Variants in ARHGAP42 observed in about 807,000 individuals in gnomAD.
The protein encoded by ARHGAP42 is Rho GTPase activating protein 42, also known as rho GTPase-activating protein 42.
A neutral mutation model predicts 125.0 loss-of-function variants in ARHGAP42; 63 were observed. That is an observed-to-expected ratio of 0.50 (90% CI 0.41 to 0.62). The LOEUF (loss-of-function observed/expected upper bound fraction) is 0.62, where lower values mean the gene tolerates loss of function less well. Among genes scored for constraint, ARHGAP42 ranks in the 20% least tolerant of loss-of-function variants. The pLI is 0.00. For synonymous variants in ARHGAP42, 339 were observed against 351.0 expected, an observed-to-expected ratio of 0.97 and a Z score of 0.38; for missense variants, 766 against 1,024.2, an observed-to-expected ratio of 0.75 and a Z score of 3.44.
chr11:100,757,986 T>C (rs1395615407), intron 1 of ARHGAP42, among the ~76,000 whole-genome samples: 1 of 152,248 alleles, frequency 6.6e-6, no homozygotes, highest in Non-Finnish European at 1.5e-5. Flanking sequence ...GTCATATTGC[T>C]ATGTGAAAAG....
intron 3 of ARHGAP42, among the ~76,000 whole-genome samples, chr11:100,812,306 C>T (rs1187799014): frequency 6.6e-6 from 1 of 152,090 alleles, no homozygotes; most frequent in Non-Finnish European, 1.5e-5. Flanking sequence ...GGATTTTATA[C>T]CCAGAAGTAG....
chr11:100,751,277 G>GTTTTTTTTTTT (rs756243174), intron 1 of ARHGAP42, among the ~76,000 whole-genome samples: 2 of 121,624 alleles, frequency 1.6e-5, no homozygotes, highest in African/African-American at 3.4e-5. Flanking sequence ...GTGTGTGTGT[G>GTTTTTTTTTTT]TGTTTTTTTT....
At chr11:100,742,661 A>T (rs772673084) in intron 1 of ARHGAP42, among the ~76,000 whole-genome samples, 1 of 152,162 alleles carries the variant, frequency 6.6e-6, no homozygotes, top group African/African-American at 2.4e-5. Context: ...GGAAGTCATC[A>T]TCTAGTAAGT....
At chr11:100,888,606 C>T (rs933758134) in intron 4 of ARHGAP42, among the ~76,000 whole-genome samples, 4 of 152,104 alleles carry the variant, frequency 2.6e-5, no homozygotes, top group African/African-American at 7.2e-5. Context: ...ACCAATTTCC[C>T]ATTTTTATTA....
chr11:100,842,028 A>G (rs887453187), intron 3 of ARHGAP42, among the ~76,000 whole-genome samples: 1 of 152,202 alleles, frequency 6.6e-6, no homozygotes, highest in Admixed American at 6.5e-5. Flanking sequence ...TGATTGAGTT[A>G]CAGGCATTAA....
chr11:100,931,260 G>A (rs981864546), intron 6 of ARHGAP42, among the ~76,000 whole-genome samples: 10 of 152,122 alleles, frequency 6.6e-5, no homozygotes, highest in Non-Finnish European at 1.3e-4. Flanking sequence ...ATTAGTATTA[G>A]TACTTTAGGA....
intron 3 of ARHGAP42, among the ~76,000 whole-genome samples, chr11:100,804,913 A>G (rs1863954430): frequency 6.6e-6 from 1 of 152,216 alleles, no homozygotes; most frequent in Admixed American, 6.5e-5. Flanking sequence ...GGTGGTCAGT[A>G]CATTAGACAT....
chr11:100,811,093 T>G (rs1864129612), intron 3 of ARHGAP42, among the ~76,000 whole-genome samples: 1 of 152,130 alleles, frequency 6.6e-6, no homozygotes, highest in Non-Finnish European at 1.5e-5. Context: ...GTAGCTGGCA[T>G]TACAGGCATG....
chr11:100,973,241 T>A lies in ARHGAP42; in HGVS notation c.1617T>A (p.Thr539=), dbSNP rs1448934304. The A allele has an allele frequency of 2.2e-5, 34 of 1,551,256 alleles. No individual in the cohort carries two copies. The highest frequency in any genetic ancestry group is 3.0e-5 in the Non-Finnish European group (34 of 1,146,704). Residue 539 remains threonine, a synonymous_variant, in exon 18 of 24, where the codon ACT becomes ACA. Coordinates refer to ENST00000298815, the MANE Select transcript of ARHGAP42 (RefSeq NM_152432.4). ...ATCTTGGTGTCATATTTGGCCCAAC[T>A]CTAATGAGAGCACAGGAAGAAACTG... The part of the protein sequence containing the change: ...VSNLGVIFGP[T]LMRAQEETVA...
In ARHGAP42 at chr11:100,831,801, G is replaced by A. The variant is rs903228089; in HGVS notation, c.313-27753G>A. ...TTAAATATACCAAGAGTTAATTTGG[G>A]CACATGGCAAATATATTTCTTCACT... On this transcript the variant is annotated intron_variant, in intron 3 of 23. Coordinates refer to ENST00000298815, the MANE Select transcript of ARHGAP42 (RefSeq NM_152432.4). 1.3e-5 allele frequency among the ~76,000 whole-genome samples: 2 copies of A among 152,218 alleles called. 1 individual carries two copies. The highest frequency in any genetic ancestry group is 6.8e-3 in the Middle Eastern group (2 of 294).
intron 3 of ARHGAP42, among the ~76,000 whole-genome samples, chr11:100,849,713 A>G (rs1336533283): frequency 6.6e-6 from 1 of 152,178 alleles, no homozygotes; most frequent in African/African-American, 2.4e-5. Flanking sequence ...GTTCACATCC[A>G]AACAGACACT....
Position 100,992,241 on chromosome 11 carries a change from C to G in ARHGAP42, c.*3440C>G. Reference sequence around the variant, plus strand: ...CTTATACTTTGACTAAAGTCAGAGGCAGACCAATTTAGGGAACAGATTTTG... The same window carrying G: ...CTTATACTTTGACTAAAGTCAGAGGGAGACCAATTTAGGGAACAGATTTTG... On this transcript the variant is annotated 3_prime_UTR_variant, in exon 24 of 24. Coordinates refer to ENST00000298815, the MANE Select transcript of ARHGAP42 (RefSeq NM_152432.4). The G allele has an allele frequency of 1.3e-6, 2 of 1,512,914 alleles. No homozygotes were observed. Among genetic ancestry groups the G allele is most frequent in the African/African-American group, 2.8e-5 (2 of 71,740 alleles). The allele number at this position is 1,512,914 out of a possible 1,614,324, so 93.7% of individuals were successfully genotyped here. A position where few individuals can be genotyped will look rare whatever the true frequency, so the allele number is the denominator to read the frequency against.
At chr11:100,940,857 T>C (rs577135379) in intron 8 of ARHGAP42, among the ~76,000 whole-genome samples, 2 of 152,258 alleles carry the variant, frequency 1.3e-5, no homozygotes, top group South Asian at 4.1e-4. Context: ...TTCTAGTCAG[T>C]TGAACATCAC....
chr11:100,751,287 T>G (rs1444519471), intron 1 of ARHGAP42, among the ~76,000 whole-genome samples: 40 of 120,908 alleles, frequency 3.3e-4, no homozygotes, highest in Admixed American at 1.3e-3. Context: ...GTGTTTTTTT[T>G]TTTTTTTTTT....
intron 5 of ARHGAP42, among the ~76,000 whole-genome samples, chr11:100,917,267 C>T (rs1396196034): frequency 6.6e-6 from 1 of 152,176 alleles, no homozygotes; most frequent in Non-Finnish European, 1.5e-5. Flanking sequence ...TCTTGAGGCA[C>T]TTCCTAAATG....
At chr11:100,833,433 G>C (rs887850867) in intron 3 of ARHGAP42, among the ~76,000 whole-genome samples, 3 of 152,190 alleles carry the variant, frequency 2.0e-5, no homozygotes, top group Admixed American at 2.0e-4. Context: ...TGAATCTGCA[G>C]TTTGGGCAGG....
At chr11:100,827,542 A>G (rs902567499) in intron 3 of ARHGAP42, among the ~76,000 whole-genome samples, 4 of 152,166 alleles carry the variant, frequency 2.6e-5, no homozygotes, top group African/African-American at 9.7e-5. Context: ...GGAAATGTTT[A>G]CCTGGGGTCA....
At chr11:100,835,107 A>G (rs1010819785) in intron 3 of ARHGAP42, among the ~76,000 whole-genome samples, 14 of 151,986 alleles carry the variant, frequency 9.2e-5, no homozygotes, top group African/African-American at 2.2e-4. Context: ...TTCTATCTAC[A>G]TATTTTATAC....
intron 8 of ARHGAP42, among the ~76,000 whole-genome samples, chr11:100,938,881 TTC>T (rs1392526435): frequency 6.6e-6 from 1 of 152,196 alleles, no homozygotes; most frequent in Non-Finnish European, 1.5e-5. Context: ...GGTGGATAAG[TTC>T]TGTGGGGGAC....
Sources: gnomAD v4.1 joint callset for allele counts (sites outside exome capture counted in the v4.1 genomes callset) on GRCh38, gnomAD v4.1.1 for gene constraint, MANE v1.5 for transcripts, NCBI Gene and HGNC (gene_info 2026-07-23, HGNC 2026-07-21) for gene names.